FABP6: variants seen among roughly 807,000 people sequenced by gnomAD.
FABP6 encodes the protein fatty acid binding protein 6, also known as gastrotropin.
In FABP6, 13 loss-of-function variants were observed where a neutral mutation model predicts 14.9. That is an observed-to-expected ratio of 0.87 (90% CI 0.57 to 1.39). The LOEUF is 1.39. FABP6 is among the 40% of genes most tolerant of loss of function. The pLI is 0.00. For missense variants in FABP6, 161 were observed against 167.2 expected (o/e 0.96, Z 0.20); for synonymous variants, 75 against 63.6 (o/e 1.18, Z -0.85).
chr5:160,195,995 AGCTGG>A (rs1266970611), intron 1 of FABP6: 2 of 152,504 alleles, frequency 1.3e-5, no homozygotes, highest in Non-Finnish European at 2.9e-5. Context: ...ATCACTCTGT[AGCTGG>A]GTCCAGGCAG....
intron 1 of FABP6, among the ~76,000 whole-genome samples, chr5:160,189,409 T>A (rs1359368734): frequency 6.6e-6 from 1 of 152,070 alleles, no homozygotes; most frequent in Non-Finnish European, 1.5e-5. Flanking sequence ...ACCCGGCTAA[T>A]TTTGTGTATT....
intron 3 of FABP6, among the ~76,000 whole-genome samples, chr5:160,218,785 G>GTTTTTT: frequency 6.7e-6 from 1 of 150,010 alleles, no homozygotes. Flanking sequence ...ATGAGTTGGG[G>GTTTTTT]TCTCATTCTG....
upstream of FABP6, chr5:160,228,722 T>C (rs1760305227): frequency 8.6e-6 from 3 of 350,686 alleles, no homozygotes; most frequent in South Asian, 4.3e-5. Flanking sequence ...GGGTGGCTGC[T>C]TTACTCTGGT....
chr5:160,198,800 T>C (rs1001187564), intron 1 of FABP6: 19 of 402,448 alleles, frequency 4.7e-5, no homozygotes, highest in African/African-American at 3.4e-4. Context: ...ATGCCTTCCC[T>C]GCCCACCCCA....
At position 160,231,455 on chromosome 5, in the gene FABP6, G is replaced by A. The variant is rs140795228; in HGVS notation, c.68-643G>A. On this transcript the variant is annotated intron_variant, in intron 1 of 3. Transcript: ENST00000402432. The stretch of plus-strand genomic sequence containing the variant: ...GTAGCCCAGGCGGAACTGCAGTGGC[G>A]CGATCCCAGCTCACTGCAACCTCTG... Among the ~76,000 whole-genome samples the A allele has an allele frequency of 3.0e-3, 460 of 152,290 alleles. 2 individuals carry two copies. Among genetic ancestry groups the A allele is most frequent in the Admixed American group, 5.3e-3 (81 of 15,294 alleles).
rs191155277 is a variant in FABP6 at position 160,202,310 on chromosome 5, A to T, written c.51+3153A>T. On this transcript the variant is annotated intron_variant, in intron 2 of 6. Transcript: ENST00000393980. ...GCTTTTCTGAGAAAGTGACTCCTTT[A>T]TTTCCACTTAACTCTTCAAAAACTT... Among the ~76,000 whole-genome samples the T allele has an allele frequency of 6.6e-5, 10 of 152,266 alleles. No homozygotes were observed. The East Asian group carries it at 1.7e-3, about 26-fold the overall frequency.
intron 3 of FABP6, among the ~76,000 whole-genome samples, chr5:160,235,768 G>T (rs554555708): frequency 1.5e-3 from 229 of 152,026 alleles, no homozygotes; most frequent in African/African-American, 5.2e-3. Context: ...CTCCTTCTTT[G>T]ATCCTTCTCT....
At chr5:160,221,193 A>G (rs1412330488) in intron 3 of FABP6, among the ~76,000 whole-genome samples, 1 of 152,010 alleles carries the variant, frequency 6.6e-6, no homozygotes, top group African/African-American at 2.4e-5. Flanking sequence ...GAATGAATCA[A>G]TGGTGTGTCT....
intron 1 of FABP6, among the ~76,000 whole-genome samples, 183 bp downstream of exon 1, chr5:160,229,807 GAC>G (rs1760331488): frequency 6.6e-6 from 1 of 151,592 alleles, no homozygotes; most frequent in African/African-American, 2.4e-5. Context: ...TAAGAACTAA[GAC>G]ACTCTTTAAC....
chr5:160,211,970 TCC>T (rs1759899535), intron 2 of FABP6, among the ~76,000 whole-genome samples: 1 of 147,122 alleles, frequency 6.8e-6, no homozygotes, highest in South Asian at 2.2e-4. Flanking sequence ...TCCTGTGCCT[TCC>T]TATGCAAGTT....
intron 2 of FABP6, among the ~76,000 whole-genome samples, chr5:160,205,754 A>G (rs1759749243): frequency 6.6e-6 from 1 of 152,162 alleles, no homozygotes; most frequent in South Asian, 2.1e-4. Flanking sequence ...CTGTAATGTG[A>G]GAGTGTGGGG....
intron 1 of FABP6, among the ~76,000 whole-genome samples, chr5:160,194,381 C>G (rs1185601488): frequency 6.6e-6 from 1 of 152,178 alleles, no homozygotes; most frequent in Non-Finnish European, 1.5e-5. Context: ...TGAAGGGCTC[C>G]TCAAGTGCCG....
chr5:160,219,108 G>A (rs1348675171), intron 3 of FABP6, among the ~76,000 whole-genome samples: 1 of 152,138 alleles, frequency 6.6e-6, no homozygotes, highest in Non-Finnish European at 1.5e-5. Context: ...AGATTTTAGT[G>A]GAGGAAAGAG....
At position 160,195,283 on chromosome 5, in the gene FABP6, CAAAAAAAAAAAAAA is replaced by C. The variant is rs57229719; in HGVS notation, c.-58-3751_-58-3738del. Among the ~76,000 whole-genome samples, 74 of 63,606 alleles carry C rather than the reference CAAAAAAAAAAAAAA, an allele frequency of 1.2e-3. 2 individuals are homozygous for C. The highest frequency in any genetic ancestry group is 9.4e-3 in the Middle Eastern group (1 of 106). 41.7% of individuals were successfully genotyped at this position (63,606 alleles called of 152,430 possible). On this transcript the variant is annotated intron_variant, in intron 1 of 6. Coordinates refer to the FABP6 transcript ENST00000393980. ...TGGGCAACAGAGCGAGACTCTGTCTCAAAAAAAAAAAAAAAAAAAAAAAAAAAAGACTCTCCTTT... is the reference window on the plus strand; with the variant it reads ...TGGGCAACAGAGCGAGACTCTGTCTCAAAAAAAAAAAAAAGACTCTCCTTT...
chr5:160,212,492 G>A (rs1318494516), intron 2 of FABP6, among the ~76,000 whole-genome samples: 1 of 151,232 alleles, frequency 6.6e-6, no homozygotes, highest in African/African-American at 2.4e-5. Context: ...TTTTGGAGAC[G>A]GAGTCTCACT....
chr5:160,228,645 T>C (rs1760303002), upstream of FABP6: 2 of 423,948 alleles, frequency 4.7e-6, no homozygotes, highest in African/African-American at 2.0e-5. Flanking sequence ...TCCAGCCCAG[T>C]GCCTGGTGCA....
chr5:160,189,458 G>C (rs1242058109), intron 1 of FABP6, among the ~76,000 whole-genome samples: 2 of 152,142 alleles, frequency 1.3e-5, no homozygotes, highest in Non-Finnish European at 2.9e-5. Flanking sequence ...GGCCAGGCTG[G>C]TCTCAAACTC....
intron 3 of FABP6, among the ~76,000 whole-genome samples, chr5:160,223,911 G>A (rs1269878255): frequency 2.8e-5 from 4 of 144,278 alleles, no homozygotes; most frequent in Admixed American, 7.2e-5. Context: ...ACCAGCCTAG[G>A]CAACAAAGTG....
intron 2 of FABP6, among the ~76,000 whole-genome samples, chr5:160,201,547 A>G (rs1759640734): frequency 6.6e-6 from 1 of 152,172 alleles, no homozygotes; most frequent in Admixed American, 6.6e-5. Context: ...TTAAATAGGA[A>G]TGGTAGCCAA....
Sources: allele counts gnomAD v4.1 joint callset (sites outside exome capture counted in the v4.1 genomes callset), GRCh38; gene constraint gnomAD v4.1.1; transcripts MANE v1.5; gene names NCBI Gene and HGNC (gene_info 2026-07-23, HGNC 2026-07-21).